The following SLC38A1 variants were observed in gnomAD, a reference collection of about 807,000 sequenced individuals.
SLC38A1 encodes sodium-coupled neutral amino acid symporter 1.
SLC38A1 carries 18 observed loss-of-function variants against 60.3 expected under a neutral mutation model. The observed-to-expected ratio is 0.30, with a 90% CI of 0.21 to 0.44. SLC38A1 has a LOEUF of 0.44. Among genes scored for constraint, SLC38A1 ranks in the 20% least tolerant of loss-of-function variants. SLC38A1 has a pLI of 1.00. For missense variants in SLC38A1, 448 were observed against 587.2 expected (o/e 0.76, Z 2.45); for synonymous variants, 196 against 212.1 (o/e 0.92, Z 0.66).
rs764640480 is a variant in SLC38A1 at position 46,198,739 on chromosome 12, G to A, written c.1008C>T (p.Asn336=). The A allele has an allele frequency of 3.9e-5, 63 of 1,596,962 alleles. No homozygotes were observed. Among genetic ancestry groups the A allele is most frequent in the Middle Eastern group, 1.7e-4 (1 of 6,028 alleles). ...ATTTGTGAAGGAGGTCGGACTGCACGTTGTCTAAAATGAGGGAAAAGCAAG... is the reference window on the plus strand; with the variant it reads ...ATTTGTGAAGGAGGTCGGACTGCACATTGTCTAAAATGAGGGAAAAGCAAG... The part of the protein sequence containing the change: ...AIFGYLTFYD[N]VQSDLLHKYQ... The change falls in exon 14 of 17, where the codon AAC becomes AAT. Residue 336 remains asparagine (N), a synonymous_variant. Transcript: ENST00000398637.
intron 1 of SLC38A1, among the ~76,000 whole-genome samples, chr12:46,252,996 GA>G (rs71437760): frequency 0.12 from 12,587 of 107,046 alleles, 556 homozygotes; most frequent in African/African-American, 0.17. Context: ...ATCTTTTTTT[GA>G]AAAAAAAAAA....
At chr12:46,230,363 G>T (rs569829598) in intron 3 of SLC38A1, among the ~76,000 whole-genome samples, 3 of 152,262 alleles carry the variant, frequency 2.0e-5, no homozygotes, top group Admixed American at 2.0e-4. Flanking sequence ...CGATGGTGAG[G>T]GTCAGAGCCA....
chr12:46,247,001 A>G (rs1480419922), intron 1 of SLC38A1, among the ~76,000 whole-genome samples: 1 of 152,194 alleles, frequency 6.6e-6, no homozygotes, highest in East Asian at 1.9e-4. Flanking sequence ...AACAAAAAGG[A>G]CATCCACACC....
chr12:46,190,981 T>G lies in SLC38A1; in HGVS notation c.1363-1910A>C, dbSNP rs541179024. On this transcript the variant is annotated intron_variant, in intron 16 of 16. Coordinates refer to ENST00000398637, the MANE Select transcript of SLC38A1 (RefSeq NM_030674.4). ...TTTGGCTTTTGTTGCCATTGCTTTTTGTGTTTTAATCATGAAGTCTTTGCC... is the reference window on the plus strand; with the variant it reads ...TTTGGCTTTTGTTGCCATTGCTTTTGGTGTTTTAATCATGAAGTCTTTGCC... Among the ~76,000 whole-genome samples, 29 of 152,264 alleles carry G rather than the reference T, an allele frequency of 1.9e-4. No homozygotes were observed. In the East Asian group the frequency reaches 4.1e-3, roughly 21 times the overall value.
At chr12:46,192,407 G>A (rs1939183112) in intron 16 of SLC38A1, among the ~76,000 whole-genome samples, 2 of 152,016 alleles carry the variant, frequency 1.3e-5, no homozygotes, top group African/African-American at 2.4e-5. Context: ...TTTTTGTTGT[G>A]TCTCCACCAG....
rs148000065 is a variant in SLC38A1 at position 46,203,405 on chromosome 12, C to T, written c.823-316G>A. On this transcript the variant is annotated intron_variant, in intron 11 of 16. Coordinates refer to ENST00000398637, the MANE Select transcript of SLC38A1 (RefSeq NM_030674.4). The stretch of plus-strand genomic sequence containing the variant: ...ACATGGCACTCTTCCTAGGATAGCT[C>T]GCTGGGTCCCCACAGCAATCCCAAG... Among the ~76,000 whole-genome samples, 689 of 152,262 alleles carry T rather than the reference C, an allele frequency of 4.5e-3. 6 individuals carry two copies. The highest frequency in any genetic ancestry group is 0.016 in the African/African-American group (645 of 41,554).
intron 1 of SLC38A1, among the ~76,000 whole-genome samples, chr12:46,243,688 A>G (rs1010076329): frequency 6.6e-6 from 1 of 152,208 alleles, no homozygotes; most frequent in African/African-American, 2.4e-5. Flanking sequence ...AGAAATAATC[A>G]TCAGGCTATA....
At position 46,229,244 on chromosome 12, in the gene SLC38A1, T is replaced by C. The variant is rs906791063; in HGVS notation, c.223A>G (p.Met75Val). Residue 75 changes from methionine to valine, a missense_variant, in exon 5 of 17, where the codon ATG becomes GTG. This residue lies in a region of SLC38A1 where 102 missense variants were observed against 89.7 expected (regional missense o/e 1.14). Coordinates refer to ENST00000398637, the MANE Select transcript of SLC38A1 (RefSeq NM_030674.4). ...GCGTTGCTTAGGTTAAAAACAGACA[T>C]GCCTAAGGAGGTTGTACCTGGAATC... The part of the protein sequence containing the change: ...EYIPGTTSLG[M>V]SVFNLSNAIM... The C allele has an allele frequency of 5.0e-6, 8 of 1,612,682 alleles. No individual in the cohort carries two copies. Among genetic ancestry groups the C allele is most frequent in the Non-Finnish European group, 6.8e-6 (8 of 1,179,084 alleles).
chr12:46,254,410 T>C (rs1243970147), intron 1 of SLC38A1, among the ~76,000 whole-genome samples: 3 of 152,250 alleles, frequency 2.0e-5, no homozygotes, highest in African/African-American at 7.2e-5. Context: ...ACTGATTTGC[T>C]TTATTATACT....
chr12:46,218,983 A>G (rs1406588851), intron 5 of SLC38A1, among the ~76,000 whole-genome samples: 1 of 152,192 alleles, frequency 6.6e-6, no homozygotes, highest in Admixed American at 6.5e-5. Flanking sequence ...AGGTTTTACA[A>G]TAATGATGTT....
At position 46,188,366 on chromosome 12, in the gene SLC38A1, G is replaced by T. The variant is rs1015008040; in HGVS notation, c.*604C>A. ...TACCAGCTAGGCCACTGGACTACCC[G>T]AGTTCAGCTGCCAGGAAATCAGAGC... On this transcript the variant is annotated 3_prime_UTR_variant, in exon 17 of 17. Coordinates refer to ENST00000398637, the MANE Select transcript of SLC38A1 (RefSeq NM_030674.4). The T allele has an allele frequency of 6.6e-6, 1 of 152,600 alleles. No individual in the cohort carries two copies. The highest frequency in any genetic ancestry group is 1.9e-4 in the East Asian group (1 of 5,204). The allele number at this position is 152,600 out of a possible 1,614,324, so 9.5% of individuals were successfully genotyped here. A position where few individuals can be genotyped will look rare whatever the true frequency, so the allele number is the denominator to read the frequency against.
At position 46,204,396 on chromosome 12, in the gene SLC38A1, T is replaced by C. The variant is rs1309394975; in HGVS notation, c.727A>G (p.Ile243Val). Residue 243 changes from isoleucine to valine, a missense_variant, in exon 11 of 17, where the codon ATT becomes GTT. By Grantham distance (29) the Ile-to-Val change is conservative (BLOSUM62 3). Coordinates refer to ENST00000398637, the MANE Select transcript of SLC38A1 (RefSeq NM_030674.4). The stretch of plus-strand genomic sequence containing the variant: ...TTTAGCTCTGGAACAATGCAGGGAA[T>C]TTGAAATTTCTTGTAAATAACCTGG... The part of the protein sequence containing the change: ...LIVVIYKKFQ[I>V]PCIVPELNST... The C allele has an allele frequency of 1.2e-6, 2 of 1,613,432 alleles. No individual in the cohort carries two copies. The highest frequency in any genetic ancestry group is 1.7e-6 in the Non-Finnish European group (2 of 1,179,490).
chr12:46,243,700 G>A (rs189933352), intron 1 of SLC38A1, among the ~76,000 whole-genome samples: 5 of 152,268 alleles, frequency 3.3e-5, no homozygotes, highest in Admixed American at 6.5e-5. Context: ...CAGGCTATAC[G>A]ATTAATTAAA....
intron 11 of SLC38A1, among the ~76,000 whole-genome samples, chr12:46,203,776 T>C (rs1366846843): frequency 6.6e-6 from 1 of 152,208 alleles, no homozygotes; most frequent in Non-Finnish European, 1.5e-5. Context: ...AACAAAACCT[T>C]GTAAGATACA....
intron 5 of SLC38A1, among the ~76,000 whole-genome samples, chr12:46,214,635 T>A (rs1365846942): frequency 2.6e-5 from 4 of 152,196 alleles, no homozygotes; most frequent in African/African-American, 4.8e-5. Flanking sequence ...CCTCACCCTT[T>A]AAATTGGAGA....
intron 1 of SLC38A1, among the ~76,000 whole-genome samples, chr12:46,256,305 G>A (rs1487623685): frequency 6.6e-6 from 1 of 151,562 alleles, no homozygotes; most frequent in Non-Finnish European, 1.5e-5. Context: ...ATTTCCCAAA[G>A]ATTACTTAAG....
chr12:46,262,141 TA>T (rs1472242468), intron 1 of SLC38A1, among the ~76,000 whole-genome samples: 1 of 152,214 alleles, frequency 6.6e-6, no homozygotes, highest in Non-Finnish European at 1.5e-5. Flanking sequence ...CATCCTATCT[TA>T]ACAGGATCCC....
Position 46,268,503 on chromosome 12 carries a change from C to G in SLC38A1, c.-209+23G>C, listed in dbSNP as rs905856744. On this transcript the variant is annotated intron_variant, in intron 1 of 16. Transcript: ENST00000398637. The surrounding 1 kb of genome is among the most constrained non-coding windows in gnomAD (Gnocchi z 4.4). ...CCCCTTGCCGCTCGCCCAGCCCTCC[C>G]CGGGAACGGATAATCACCTTACCTC... 1 of 159,094 alleles carries G rather than the reference C, an allele frequency of 6.3e-6. No individual in the cohort carries two copies. 9.9% of individuals were successfully genotyped at this position (159,094 alleles called of 1,614,324 possible). A position where few individuals can be genotyped will look rare whatever the true frequency, so the allele number is the denominator to read the frequency against.
At chr12:46,196,244 G>A in intron 16 of SLC38A1, 1 of 1,536,068 alleles carries the variant, frequency 6.5e-7, no homozygotes, top group Non-Finnish European at 8.7e-7. Flanking sequence ...AGAGCCAACA[G>A]GGCTGGACTG....
Sources: allele counts gnomAD v4.1 joint callset (sites outside exome capture counted in the v4.1 genomes callset), GRCh38; gene constraint gnomAD v4.1.1; regional missense constraint gnomAD v4.1.1; non-coding constraint Gnocchi (gnomAD v3.1); transcripts MANE v1.5; gene names NCBI Gene and HGNC (gene_info 2026-07-23, HGNC 2026-07-21).